TMEM40: variants seen among roughly 807,000 people sequenced by gnomAD.
TMEM40 encodes the protein transmembrane protein 40.
In TMEM40, 34 loss-of-function variants were observed where a neutral mutation model predicts 40.8. The ratio of observed to expected loss-of-function variants is 0.83; its 90% CI spans 0.63 to 1.11. The LOEUF (loss-of-function observed/expected upper bound fraction) is 1.11. Ranked by LOEUF, TMEM40 falls within the 50% of genes least tolerant of loss-of-function variation. The pLI is 0.00. For missense variants in TMEM40, 296 were observed against 280.2 expected (o/e 1.06, Z -0.40); for synonymous variants, 106 against 107.0 (o/e 0.99, Z 0.06).
intron 1 of TMEM40, among the ~76,000 whole-genome samples, chr3:12,768,750 G>C (rs1047382600): frequency 1.3e-5 from 2 of 152,116 alleles, no homozygotes; most frequent in Non-Finnish European, 2.9e-5. Flanking sequence ...CCCGCACCGG[G>C]GGCCGCAGGT....
chr3:12,762,677 AGGAAAGGAG>A (rs2061577537), upstream of TMEM40, among the ~76,000 whole-genome samples: 1 of 152,192 alleles, frequency 6.6e-6, no homozygotes, highest in Admixed American at 6.5e-5. Flanking sequence ...CACTAAGCAG[AGGAAAGGAG>A]GTGGAACTAG....
At chr3:12,745,692 A>C (rs2061421939) in intron 3 of TMEM40, among the ~76,000 whole-genome samples, 1 of 151,964 alleles carries the variant, frequency 6.6e-6, no homozygotes, top group African/African-American at 2.4e-5. Flanking sequence ...CAAGTGATCC[A>C]CTCACCTTGG....
intron 5 of TMEM40, chr3:12,738,877 G>T: frequency 2.6e-6 from 1 of 384,638 alleles, no homozygotes; most frequent in Non-Finnish European, 4.9e-6. Flanking sequence ...AGTTTGGGCC[G>T]CACGCGGTGG....
At chr3:12,736,295 T>C (rs963521533) in intron 10 of TMEM40, among the ~76,000 whole-genome samples, 29 of 151,972 alleles carry the variant, frequency 1.9e-4, no homozygotes, top group Non-Finnish European at 2.1e-4. Flanking sequence ...ATTACAGACA[T>C]GCGCCACCAG....
rs146847887 is a variant in TMEM40 at position 12,767,388 on chromosome 3, G to C, written c.-9+1863C>G. Among the ~76,000 whole-genome samples the C allele has an allele frequency of 4.5e-3, 685 of 152,276 alleles. 5 individuals are homozygous for C. Among genetic ancestry groups the C allele is most frequent in the Middle Eastern group, 0.024 (7 of 294 alleles). On this transcript the variant is annotated intron_variant, in intron 1 of 11. Coordinates refer to the TMEM40 transcript ENST00000264728. ...GACAACCATGGTGAGGGCGGGAGAT[G>C]TCCTCTTTCCCAGGCGACTGTGGCA...
chr3:12,766,015 G>A (rs1415480238), intron 1 of TMEM40, among the ~76,000 whole-genome samples: 3 of 151,790 alleles, frequency 2.0e-5, no homozygotes, highest in African/African-American at 4.8e-5. Flanking sequence ...CACCACCTGC[G>A]CCCGGCTAAT....
At chr3:12,739,408 A>C (rs982177412) in intron 5 of TMEM40, among the ~76,000 whole-genome samples, 3 of 151,186 alleles carry the variant, frequency 2.0e-5, no homozygotes, top group Non-Finnish European at 3.0e-5. Flanking sequence ...CCTCAGCCTC[A>C]CGAGTAGCTG....
chr3:12,734,709 T>A lies in TMEM40; in HGVS notation c.*65A>T, dbSNP rs1376619076. The A allele has an allele frequency of 6.4e-7, 1 of 1,551,560 alleles. No homozygotes were observed. Among genetic ancestry groups the A allele is most frequent in the Non-Finnish European group, 8.7e-7 (1 of 1,146,618 alleles). On this transcript the variant is annotated 3_prime_UTR_variant, in exon 12 of 12. Transcript: ENST00000314124. ...CTCTCAGAATGCTGCTCTGCCCTTG[T>A]GGGCTCAGGGGTCGCAGTGGTGGTC...
intron 5 of TMEM40, 74 bp downstream of exon 5, chr3:12,742,380 C>T: frequency 4.5e-6 from 7 of 1,559,028 alleles, no homozygotes; most frequent in Non-Finnish European, 6.2e-6. Context: ...CCCTCATGAC[C>T]TTGTTTCTGC....
At chr3:12,769,135 ACTGG>A in intron 1 of TMEM40, 1 of 80,414 alleles carries the variant, frequency 1.2e-5, no homozygotes, top group East Asian at 2.2e-4. Context: ...ACTGCCCGGG[ACTGG>A]CGGGGCCTCT....
At chr3:12,754,178 G>A (rs1388392579) in intron 1 of TMEM40, among the ~76,000 whole-genome samples, 5 of 152,162 alleles carry the variant, frequency 3.3e-5, no homozygotes, top group Admixed American at 1.3e-4. Flanking sequence ...CGGGCATGGT[G>A]GCGGGCACCT....
intron 2 of TMEM40, 23 bp from the exon 3 acceptor site, chr3:12,748,815 G>C: frequency 6.2e-7 from 1 of 1,610,700 alleles, no homozygotes; most frequent in Non-Finnish European, 8.5e-7. Flanking sequence ...CAGAGGCCAG[G>C]GGATGAGCGT....
rs545608750 is a variant in TMEM40 at position 12,758,468 on chromosome 3, G to A, written c.-9+723C>T. On this transcript the variant is annotated intron_variant, in intron 1 of 11. Coordinates refer to ENST00000314124, the MANE Select transcript of TMEM40 (RefSeq NM_018306.4). The stretch of plus-strand genomic sequence containing the variant: ...GTGCTCTGAGCAGAGGTGGCTCTAG[G>A]ACAAGGATGACAGCCTACGGGGGTG... Among the ~76,000 whole-genome samples the A allele has an allele frequency of 1.7e-3, 262 of 152,166 alleles. 4 individuals carry two copies. The highest frequency in any genetic ancestry group is 2.6e-3 in the Admixed American group (40 of 15,286).
rs553031758 is a variant in TMEM40, at chr3:12,741,893, G to A, written c.355+561C>T. 3.1e-3 allele frequency among the ~76,000 whole-genome samples: 477 copies of A among 152,186 alleles called. 4 individuals are homozygous for A. The highest frequency in any genetic ancestry group is 0.011 in the African/African-American group (447 of 41,528). On this transcript the variant is annotated intron_variant, in intron 5 of 11. Coordinates refer to ENST00000314124, the MANE Select transcript of TMEM40 (RefSeq NM_018306.4). ...GAGGATCACTTGAGCTCAGTAGTTC[G>A]AGACCAGCCTGGGCAACATGGCAAA...
At position 12,743,751 on chromosome 3, in the gene TMEM40, G is replaced by A. The variant is rs113396628; in HGVS notation, c.301+149C>T. 1.8e-5 allele frequency: 12 copies of A among 679,994 alleles called. No individual in the cohort carries two copies. The African/African-American group carries it at 1.8e-4, about 10-fold the overall frequency. 42.1% of individuals were successfully genotyped at this position (679,994 alleles called of 1,614,324 possible). A position where few individuals can be genotyped will look rare whatever the true frequency, so the allele number is the denominator to read the frequency against. On this transcript the variant is annotated intron_variant, in intron 4 of 11. Coordinates refer to ENST00000314124, the MANE Select transcript of TMEM40 (RefSeq NM_018306.4). ...AGAGCTGTCACCAGGGCAGGGTGTA[G>A]CATCCTTTATCTATTCTGCTGCTGT...
upstream of TMEM40, among the ~76,000 whole-genome samples, chr3:12,763,417 A>G (rs1257755708): frequency 6.6e-6 from 1 of 152,114 alleles, no homozygotes; most frequent in Non-Finnish European, 1.5e-5. Flanking sequence ...CCAGAAGTGT[A>G]AGGCAGGCCC....
chr3:12,741,837 G>A lies in TMEM40; in HGVS notation c.355+617C>T, dbSNP rs181636456. On this transcript the variant is annotated intron_variant, in intron 5 of 11. Coordinates refer to ENST00000314124, the MANE Select transcript of TMEM40 (RefSeq NM_018306.4). ...GGACCAGGTGCAGTGGCTCACGCCT[G>A]TAATTCTGGCACTTTGGGAGGCCAA... is the stretch of plus-strand genomic sequence containing the variant. Among the ~76,000 whole-genome samples the A allele has an allele frequency of 1.5e-4, 23 of 152,104 alleles. No individual in the cohort carries two copies. In the East Asian group the frequency reaches 3.9e-3, roughly 26 times the overall value.
At chr3:12,749,424 G>A (rs1293237749) in intron 2 of TMEM40, among the ~76,000 whole-genome samples, 1 of 152,160 alleles carries the variant, frequency 6.6e-6, no homozygotes, top group Non-Finnish European at 1.5e-5. Flanking sequence ...CCAAGATGAG[G>A]TGTGATCAAG....
upstream of TMEM40, among the ~76,000 whole-genome samples, chr3:12,762,138 T>C (rs775202638): frequency 7.9e-5 from 12 of 151,948 alleles, no homozygotes; most frequent in Non-Finnish European, 1.6e-4. Context: ...AACTTTTACT[T>C]TTTAAAATTT....
Sources: allele counts gnomAD v4.1 joint callset (sites outside exome capture counted in the v4.1 genomes callset), GRCh38; gene constraint gnomAD v4.1.1; transcripts MANE v1.5; gene names NCBI Gene and HGNC (gene_info 2026-07-23, HGNC 2026-07-21).